The following SEC23A variants were observed in gnomAD, a reference collection of about 807,000 sequenced individuals.
SEC23A encodes the protein SEC23 homolog A, COPII component.
A neutral mutation model predicts 103.7 loss-of-function variants in SEC23A; 56 were observed. That is an observed-to-expected ratio of 0.54 (90% CI 0.44 to 0.67). The LOEUF is 0.67. SEC23A is among the 30% of genes least tolerant of loss of function. The pLI is 0.00. For missense variants in SEC23A, 784 were observed against 936.4 expected (o/e 0.84, Z 2.12); for synonymous variants, 281 against 293.0 (o/e 0.96, Z 0.42).
At chr14:39,094,357 CATAT>C (rs1273756983) in intron 2 of SEC23A, among the ~76,000 whole-genome samples, 3 of 55,236 alleles carry the variant, frequency 5.4e-5, no homozygotes, top group African/African-American at 1.7e-4. Context: ...CATATATACA[CATAT>C]ACATATATAT....
At position 39,085,879 on chromosome 14, in the gene SEC23A, G is replaced by A. The variant is rs1887426097; in HGVS notation, c.711C>T (p.Asp237=). ...CTCCCAGAAGATCTGTGAGATTCAT[G>A]TCTATTTTCTGTACTGGTTGTAAGA... ...NRFLQPVQKI[D]MNLTDLLGEL... is the part of the protein sequence containing the mutation. Residue 237 remains aspartate, a synonymous_variant, in exon 7 of 20, where the codon GAC becomes GAT. Transcript: ENST00000307712. The A allele has an allele frequency of 6.2e-7, 1 of 1,613,522 alleles. No homozygotes were observed. Among genetic ancestry groups the A allele is most frequent in the African/African-American group, 1.3e-5 (1 of 75,036 alleles).
intron 19 of SEC23A, among the ~76,000 whole-genome samples, chr14:39,037,880 C>T (rs994277052): frequency 6.6e-6 from 1 of 152,102 alleles, no homozygotes; most frequent in Non-Finnish European, 1.5e-5. Context: ...AAATCTATTC[C>T]TTTCACCATC....
At chr14:39,047,312 T>C in intron 15 of SEC23A, 1 of 974,242 alleles carries the variant, frequency 1.0e-6, no homozygotes, top group Middle Eastern at 2.5e-4. Flanking sequence ...ATGCCCTCCA[T>C]CACTTTCCTA....
At chr14:39,053,527 TAA>T (rs1183048747) in intron 14 of SEC23A, among the ~76,000 whole-genome samples, 2 of 149,646 alleles carry the variant, frequency 1.3e-5, no homozygotes, top group African/African-American at 2.4e-5. Context: ...TTTTTTTTTT[TAA>T]AAAAAAGGTA....
At chr14:39,068,126 T>C (rs1594460891) in intron 9 of SEC23A, among the ~76,000 whole-genome samples, 1 of 152,174 alleles carries the variant, frequency 6.6e-6, no homozygotes, top group African/African-American at 2.4e-5. Flanking sequence ...AATAAGCATA[T>C]ACCTACTTTT....
At chr14:39,096,356 C>T (rs1409590889) in intron 1 of SEC23A, among the ~76,000 whole-genome samples, 1 of 151,982 alleles carries the variant, frequency 6.6e-6, no homozygotes, top group Admixed American at 6.6e-5. Flanking sequence ...CACGAAGAAA[C>T]CCCGTCTCTA....
At chr14:39,087,091 G>T in intron 5 of SEC23A, 83 bp from the exon 6 acceptor site, 1 of 857,774 alleles carries the variant, frequency 1.2e-6, no homozygotes, top group Non-Finnish European at 2.0e-6. Flanking sequence ...AAAATGCTGT[G>T]CTAGACATTA....
chr14:39,094,395 CACATATATATATATATATAT>C lies in SEC23A; in HGVS notation c.222-1171_222-1152del, dbSNP rs1255618210. ...ATATACACACACACACACACACACA[CACATATATATATATATATAT>C]ATATATATATATATATATATATATA... On this transcript the variant is annotated intron_variant, in intron 2 of 19. Transcript: ENST00000307712. Among the ~76,000 whole-genome samples the C allele has an allele frequency of 3.1e-3, 34 of 11,116 alleles. 4 individuals are homozygous for C. The highest frequency in any genetic ancestry group is 6.3e-3 in the South Asian group (2 of 318). 7.3% of individuals were successfully genotyped at this position (11,116 alleles called of 152,430 possible).
chr14:39,044,573 G>C lies in SEC23A; in HGVS notation c.1899+590C>G, dbSNP rs141136583. Among the ~76,000 whole-genome samples, 719 of 152,250 alleles carry C rather than the reference G, an allele frequency of 4.7e-3. 3 individuals carry two copies. Among genetic ancestry groups the C allele is most frequent in the Middle Eastern group, 0.031 (9 of 294 alleles). ...TACAGTAACTACACACTTTTAAGTA[G>C]TAAAACAGACCATTTTAACTACAGA... On this transcript the variant is annotated intron_variant, in intron 16 of 19. Transcript: ENST00000307712.
Position 39,076,063 on chromosome 14 carries a change from T to A in SEC23A, c.859A>T (p.Met287Leu). ...CTFPNTGARI[M>L]MFIGGPATQG... The stretch of plus-strand genomic sequence containing the variant: ...GTAGCAGGACCACCAATGAACATCA[T>A]GATACGAGCACCAGTGTTGGGAAAA... The change falls in exon 8 of 20, where the codon ATG becomes TTG. Residue 287 changes from methionine (M) to leucine (L), a missense_variant. This residue lies in a region of SEC23A where 683 missense variants were observed against 774.2 expected (regional missense o/e 0.88). Coordinates refer to ENST00000307712, the MANE Select transcript of SEC23A (RefSeq NM_006364.4). 6.2e-7 allele frequency: 1 copy of A among 1,613,450 alleles called. No individual in the cohort carries two copies. The highest frequency in any genetic ancestry group is 1.1e-5 in the South Asian group (1 of 91,000).
chr14:39,043,312 A>C (rs982005952), intron 16 of SEC23A, among the ~76,000 whole-genome samples: 7 of 152,166 alleles, frequency 4.6e-5, no homozygotes, highest in Non-Finnish European at 1.0e-4. Flanking sequence ...TGAAATTTAT[A>C]TTTTATTACC....
At position 39,061,855 on chromosome 14, in the gene SEC23A, G is replaced by C; in HGVS notation, c.1415C>G (p.Pro472Arg). 2 of 1,613,272 alleles carry C rather than the reference G, an allele frequency of 1.2e-6. No individual in the cohort carries two copies. Among genetic ancestry groups the C allele is most frequent in the Non-Finnish European group, 8.5e-7 (1 of 1,179,266 alleles). Residue 472 changes from proline to arginine, a missense_variant, in exon 13 of 20, where the codon CCT becomes CGT. Pro to Arg is a moderately radical substitution (Grantham distance 103). Coordinates refer to ENST00000307712, the MANE Select transcript of SEC23A (RefSeq NM_006364.4). ...EVVNQHNAPIPQGGRGAIQFV... is the reference protein window; with the variant it reads ...EVVNQHNAPIRQGGRGAIQFV... ...CTGGATTGCACCACGCCCTCCTTGA[G>C]GAATTGGAGCATTATGCTGTATAAA... is the stretch of plus-strand genomic sequence containing the variant.
At chr14:39,041,942 T>C (rs1885663312) in intron 17 of SEC23A, among the ~76,000 whole-genome samples, 1 of 151,914 alleles carries the variant, frequency 6.6e-6, no homozygotes, top group Admixed American at 6.6e-5. Flanking sequence ...ACTATTACAG[T>C]ACAAATCTTT....
At chr14:39,042,915 T>A in intron 16 of SEC23A, 43 bp from the exon 17 acceptor site, 2 of 1,167,730 alleles carry the variant, frequency 1.7e-6, no homozygotes, top group Non-Finnish European at 2.6e-6. Context: ...AAAGGAAAAA[T>A]AATCTACTCA....
intron 9 of SEC23A, among the ~76,000 whole-genome samples, chr14:39,072,802 G>C (rs969476264): frequency 6.6e-6 from 1 of 152,038 alleles, no homozygotes; most frequent in Non-Finnish European, 1.5e-5. Context: ...AACAGAGAAA[G>C]ACCCCATCTA....
intron 2 of SEC23A, chr14:39,094,764 T>A (rs1466623533): frequency 2.2e-6 from 1 of 454,390 alleles, no homozygotes; most frequent in South Asian, 4.5e-5. Context: ...ATTGTCAAGG[T>A]AGGAGTAAGT....
intron 14 of SEC23A, among the ~76,000 whole-genome samples, chr14:39,052,291 G>C (rs1566487290): frequency 6.6e-6 from 1 of 151,684 alleles, no homozygotes; most frequent in Non-Finnish European, 1.5e-5. Flanking sequence ...CATCCTGCAC[G>C]TGTATGCCTG....
rs181553602 is a variant in SEC23A at position 39,061,614 on chromosome 14, T to G, written c.1505+151A>C. 1.5e-3 allele frequency: 1,006 copies of G among 664,486 alleles called. 4 individuals carry two copies. Among genetic ancestry groups the G allele is most frequent in the Non-Finnish European group, 1.9e-3 (691 of 368,908 alleles). The allele number at this position is 664,486 out of a possible 1,614,324, so 41.2% of individuals were successfully genotyped here. A position where few individuals can be genotyped will look rare whatever the true frequency, so the allele number is the denominator to read the frequency against. ...TCTTAGTAATGCATATTGTAGCAAA[T>G]AAGCTGGGTTAGAAAGAAATAAATA... On this transcript the variant is annotated intron_variant, in intron 13 of 19. Coordinates refer to ENST00000307712, the MANE Select transcript of SEC23A (RefSeq NM_006364.4).
At chr14:39,035,623 G>C (rs976856550) in intron 19 of SEC23A, among the ~76,000 whole-genome samples, 1 of 152,096 alleles carries the variant, frequency 6.6e-6, no homozygotes, top group Non-Finnish European at 1.5e-5. Flanking sequence ...TTTTGGACCT[G>C]GGATTCAATT....
Sources: gnomAD v4.1 joint callset for allele counts (sites outside exome capture counted in the v4.1 genomes callset) on GRCh38, gnomAD v4.1.1 for gene constraint, gnomAD v4.1.1 regional missense constraint, MANE v1.5 for transcripts, NCBI Gene and HGNC (gene_info 2026-07-23, HGNC 2026-07-21) for gene names.